Variants in SMG6 observed in about 807,000 individuals in gnomAD.
SMG6 encodes the protein telomerase-binding protein EST1A.
Under a neutral mutation model 142.2 loss-of-function variants are expected in SMG6, and 66 were observed. That is an observed-to-expected ratio of 0.46 (90% CI 0.38 to 0.57). SMG6 has a LOEUF of 0.57. Among genes scored for constraint, SMG6 ranks in the 20% least tolerant of loss-of-function variants. The pLI, the probability that SMG6 is intolerant of heterozygous loss-of-function variation, is 0.00. For missense variants in SMG6, 1,793 were observed against 1,832.0 expected, an observed-to-expected ratio of 0.98 and a Z score of 0.39; for synonymous variants, 779 against 702.4, an observed-to-expected ratio of 1.11 and a Z score of -1.72.
At chr17:2,291,769 G>A (rs1415872416) in intron 6 of SMG6, among the ~76,000 whole-genome samples, 2 of 149,234 alleles carry the variant, frequency 1.3e-5, no homozygotes, top group Non-Finnish European at 3.0e-5. Context: ...TTACTTGGGA[G>A]GCTGAGGCAG....
intron 13 of SMG6, among the ~76,000 whole-genome samples, chr17:2,102,528 AT>A (rs374584197): frequency 1.1e-3 from 89 of 81,608 alleles, no homozygotes; most frequent in East Asian, 2.1e-3. Flanking sequence ...TGCTAATTTC[AT>A]TTTTTTTTTT....
chr17:2,163,109 G>A (rs1203180078), intron 13 of SMG6, among the ~76,000 whole-genome samples: 3 of 152,136 alleles, frequency 2.0e-5, no homozygotes, highest in Non-Finnish European at 4.4e-5. Flanking sequence ...TGGCGTTACA[G>A]GTGTGAGCCA....
chr17:2,238,461 A>G (rs2073722254), intron 9 of SMG6, among the ~76,000 whole-genome samples: 1 of 151,964 alleles, frequency 6.6e-6, no homozygotes, highest in South Asian at 2.1e-4. Flanking sequence ...GTTTTTCCCC[A>G]CGGGCTCTAA....
chr17:2,082,903 G>A (rs1315105816), intron 14 of SMG6, among the ~76,000 whole-genome samples: 1 of 152,132 alleles, frequency 6.6e-6, no homozygotes, highest in African/African-American at 2.4e-5. Flanking sequence ...GCTTATTACT[G>A]GCCAGGTACC....
Position 2,205,145 on chromosome 17 carries a change from T to C in SMG6, c.2870-16630A>G, listed in dbSNP as rs147429263. Among the ~76,000 whole-genome samples the C allele has an allele frequency of 9.9e-4, 151 of 152,068 alleles. 1 individual carries two copies. The highest frequency in any genetic ancestry group is 9.4e-3 in the East Asian group (48 of 5,122). On this transcript the variant is annotated intron_variant, in intron 10 of 18. Transcript: ENST00000263073. ...GTGCAATGGCGCGATCTCAGCTCAC[T>C]GCAACCTCCGCGTCCCAGGATCAAG... is the stretch of plus-strand genomic sequence containing the variant.
At chr17:2,177,886 T>G (rs1294513322) in intron 12 of SMG6, among the ~76,000 whole-genome samples, 1 of 152,204 alleles carries the variant, frequency 6.6e-6, no homozygotes, top group African/African-American at 2.4e-5. Context: ...ATGCAATATC[T>G]GCCTTTTCAA....
chr17:2,270,299 A>G (rs944195941), intron 8 of SMG6, among the ~76,000 whole-genome samples: 1 of 152,190 alleles, frequency 6.6e-6, no homozygotes, highest in Non-Finnish European at 1.5e-5. Flanking sequence ...CCTACATAAT[A>G]TATGACCTAC....
rs572736611 is a variant in SMG6 at position 2,236,298 on chromosome 17, C to G, written c.2869+194G>C. Among the ~76,000 whole-genome samples, 94 of 149,456 alleles carry G rather than the reference C, an allele frequency of 6.3e-4. 1 individual carries two copies. Among genetic ancestry groups the G allele is most frequent in the African/African-American group, 2.3e-3 (93 of 40,732 alleles). ...CATGATTCCCTCCTTCCATCCCACC[C>G]AAGCACTAGAGAGTCATACAGATTT... On this transcript the variant is annotated intron_variant, in intron 10 of 18. Transcript: ENST00000263073.
intron 13 of SMG6, among the ~76,000 whole-genome samples, chr17:2,172,075 C>T (rs189638411): frequency 2.6e-5 from 4 of 152,144 alleles, no homozygotes; most frequent in Non-Finnish European, 4.4e-5. Context: ...AACAGGGAAT[C>T]GGCTTTGTTT....
chr17:2,269,031 C>T (rs542042884), intron 8 of SMG6, among the ~76,000 whole-genome samples: 93 of 151,836 alleles, frequency 6.1e-4, no homozygotes, highest in Non-Finnish European at 1.2e-3. Context: ...GGTGAAACCC[C>T]GTCTCTACTA....
At chr17:2,258,032 A>ATATAT (rs1567724395) in intron 8 of SMG6, among the ~76,000 whole-genome samples, 3 of 111,350 alleles carry the variant, frequency 2.7e-5, no homozygotes, top group African/African-American at 9.5e-5. Context: ...AAAAAAAAAA[A>ATATAT]AAATATACAC....
chr17:2,248,535 G>A (rs1301945102), intron 8 of SMG6, among the ~76,000 whole-genome samples: 1 of 152,146 alleles, frequency 6.6e-6, no homozygotes, highest in Admixed American at 6.5e-5. Context: ...ACCTGAGTCT[G>A]TACTTGCCAC....
intron 13 of SMG6, chr17:2,087,903 G>C (rs1206394301): frequency 1.0e-6 from 1 of 985,658 alleles, no homozygotes; most frequent in Non-Finnish European, 1.2e-6. Flanking sequence ...GTGTGTGTCA[G>C]CCACCTGACC....
chr17:2,085,907 G>C lies in SMG6; in HGVS notation c.3358-6C>G. The C allele has an allele frequency of 1.2e-6, 2 of 1,612,924 alleles. No individual in the cohort carries two copies. Among genetic ancestry groups the C allele is most frequent in the Non-Finnish European group, 8.5e-7 (1 of 1,179,554 alleles). ...TTGCAGTCAGCTGCAATAACCTACA[G>C]GGTGAGAGGGAGAGAAGAAAAACAG... On this transcript the variant is annotated splice_region_variant and splice_polypyrimidine_tract_variant and intron_variant, in intron 13 of 18. Transcript: ENST00000263073. This position sits in a 1 kb window ranked among gnomAD's most constrained non-coding sequence, Gnocchi z 4.1.
intron 13 of SMG6, among the ~76,000 whole-genome samples, chr17:2,145,112 A>G (rs2070622486): frequency 6.6e-6 from 1 of 151,938 alleles, no homozygotes; most frequent in South Asian, 2.1e-4. Flanking sequence ...TTATTTATTT[A>G]TATTTTTATT....
chr17:2,262,160 T>C (rs1267349552), intron 8 of SMG6, among the ~76,000 whole-genome samples: 2 of 152,208 alleles, frequency 1.3e-5, no homozygotes, highest in African/African-American at 4.8e-5. Context: ...GCAGTCCTAC[T>C]GTGTGTGTGA....
chr17:2,192,933 G>A (rs550432623), intron 10 of SMG6, among the ~76,000 whole-genome samples: 12 of 152,330 alleles, frequency 7.9e-5, no homozygotes, highest in South Asian at 2.1e-4. Context: ...GGAGCAGAAC[G>A]AATGAGTCAG....
intron 8 of SMG6, among the ~76,000 whole-genome samples, chr17:2,257,110 G>C (rs1220126445): frequency 6.8e-6 from 1 of 146,018 alleles, no homozygotes; most frequent in Non-Finnish European, 1.5e-5. Flanking sequence ...TTTTGAGACA[G>C]AGTCTCGCTC....
chr17:2,129,552 G>GC (rs957196054), intron 13 of SMG6, among the ~76,000 whole-genome samples: 5 of 151,972 alleles, frequency 3.3e-5, no homozygotes, highest in Non-Finnish European at 7.4e-5. Context: ...CCAGCACTTC[G>GC]CGAGGCTGAG....
Sources: gnomAD v4.1 joint callset for allele counts (sites outside exome capture counted in the v4.1 genomes callset) on GRCh38, gnomAD v4.1.1 for gene constraint, Gnocchi (gnomAD v3.1) non-coding constraint, MANE v1.5 for transcripts, NCBI Gene and HGNC (gene_info 2026-07-23, HGNC 2026-07-21) for gene names.